NLRP11: variants seen among roughly 807,000 people sequenced by gnomAD.
NLRP11 encodes NLR family pyrin domain containing 11, also known as NACHT, LRR and PYD domains-containing protein 11.
In NLRP11, 53 loss-of-function variants were observed where a neutral mutation model predicts 79.3. The ratio of observed to expected loss-of-function variants is 0.67; its 90% CI spans 0.54 to 0.84. The LOEUF (loss-of-function observed/expected upper bound fraction) is 0.84, where lower values mean the gene tolerates loss of function less well. Ranked by LOEUF, NLRP11 falls within the 40% of genes least tolerant of loss-of-function variation. NLRP11 has a pLI of 0.00. For missense variants in NLRP11, 1,264 were observed against 1,255.0 expected (o/e 1.01, Z -0.11); for synonymous variants, 518 against 462.6 (o/e 1.12, Z -1.54).
upstream of NLRP11, among the ~76,000 whole-genome samples, chr19:55,833,765 CAAAAAAAAAAAAAAA>C (rs71182919): frequency 4.3e-5 from 1 of 23,486 alleles, no homozygotes; most frequent in African/African-American, 1.4e-4. Flanking sequence ...GACTCCGTCT[CAAAAAAAAAAAAAAA>C]AAAAAAAAAA....
At position 55,819,028 on chromosome 19, in the gene NLRP11, G is replaced by A. The variant is rs949729298; in HGVS notation, c.-62-792C>T. On this transcript the variant is annotated intron_variant, in intron 1 of 9. Coordinates refer to ENST00000589093, the Ensembl canonical transcript of NLRP11. ...TGCTCCCAACATCTGCCAGCAATAG[G>A]TAAGTCCCCAGGGTCAAGATGACTG... 4.0e-5 allele frequency among the ~76,000 whole-genome samples: 6 copies of A among 151,738 alleles called. No individual in the cohort carries two copies. The East Asian group carries it at 1.2e-3, about 29-fold the overall frequency.
chr19:55,800,327 T>A (rs551446232), intron 5 of NLRP11, among the ~76,000 whole-genome samples: 1 of 152,282 alleles, frequency 6.6e-6, no homozygotes, highest in Non-Finnish European at 1.5e-5. Context: ...TTTATTGAGA[T>A]GGAGTTTTGC....
upstream of NLRP11, among the ~76,000 whole-genome samples, chr19:55,832,553 C>A (rs1315800608): frequency 1.3e-5 from 2 of 152,232 alleles, no homozygotes; most frequent in African/African-American, 4.8e-5. Context: ...AGACTGATAG[C>A]TCAGTCCTAT....
At chr19:55,815,510 T>C (rs1262611957) in intron 2 of NLRP11, among the ~76,000 whole-genome samples, 2 of 120,196 alleles carry the variant, frequency 1.7e-5, no homozygotes, top group Admixed American at 9.5e-5. Flanking sequence ...GCCTGGACAA[T>C]GGAACAAGAC....
intron 1 of NLRP11, among the ~76,000 whole-genome samples, chr19:55,823,950 A>G (rs1982064909): frequency 1.5e-5 from 2 of 135,152 alleles, no homozygotes; most frequent in Non-Finnish European, 3.1e-5. Context: ...CAACTCCAAG[A>G]CACATAATTG....
At chr19:55,788,386 A>C (rs1459663786) in intron 9 of NLRP11, among the ~76,000 whole-genome samples, 1 of 144,796 alleles carries the variant, frequency 6.9e-6, no homozygotes, top group Non-Finnish European at 1.5e-5. Context: ...TTTGTATTGG[A>C]AACTGGCAAG....
chr19:55,796,230 C>T lies in NLRP11; in HGVS notation c.2192G>A (p.Arg731Gln), dbSNP rs764878378. Residue 731 changes from arginine (R) to glutamine (Q), a missense_variant, in exon 6 of 10, where the codon CGA (arginine) becomes CAA (glutamine). By Grantham distance (43) the Arg-to-Gln change is conservative. Coordinates refer to ENST00000589093, the Ensembl canonical transcript of NLRP11. ...GGCGATTTCTTCACATTCGCTGGCT[C>T]GCAAATCACATTTCATCAAGCTGTA... The T allele has an allele frequency of 2.3e-5, 37 of 1,612,778 alleles. No individual in the cohort carries two copies. The highest frequency in any genetic ancestry group is 1.7e-4 in the Middle Eastern group (1 of 6,058).
chr19:55,796,278 A>T, intron 5 of NLRP11, 28 bp from the exon 6 acceptor site: 1 of 1,586,452 alleles, frequency 6.3e-7, no homozygotes, highest in Non-Finnish European at 8.6e-7. Context: ...AAATGAAAAG[A>T]GGCTCCCGCG....
intron 1 of NLRP11, among the ~76,000 whole-genome samples, chr19:55,819,397 C>T (rs750843870): frequency 1.3e-5 from 2 of 152,152 alleles, no homozygotes; most frequent in Non-Finnish European, 2.9e-5. Context: ...TTCTAAACCC[C>T]GTGAGCCTCC....
chr19:55,808,749 T>G lies in NLRP11; in HGVS notation c.1841+20A>C. ...GGTCTTAGGAAGACAGGAAAGAGGA[T>G]TTATTTTTTAAAGACTCACCTAGCA... On this transcript the variant is annotated intron_variant, in intron 3 of 9. Coordinates refer to ENST00000589093, the Ensembl canonical transcript of NLRP11. The G allele has an allele frequency of 6.3e-7, 1 of 1,579,358 alleles. No individual in the cohort carries two copies. Among genetic ancestry groups the G allele is most frequent in the South Asian group, 1.2e-5 (1 of 84,696 alleles).
chr19:55,785,898 G>T, intron 9 of NLRP11, 27 bp from the exon 10 acceptor site: 1 of 1,602,986 alleles, frequency 6.2e-7, no homozygotes, highest in South Asian at 1.1e-5. Context: ...AGAGAACGCC[G>T]TTAATGCTAC....
chr19:55,788,609 G>C (rs1990033081), intron 9 of NLRP11, among the ~76,000 whole-genome samples, 198 bp downstream of exon 9: 1 of 151,284 alleles, frequency 6.6e-6, no homozygotes, highest in Admixed American at 6.6e-5. Flanking sequence ...GTGTGGTGGT[G>C]GGTGCCTGTA....
At chr19:55,789,309 C>G in exon 8 of NLRP11, 3 of 1,614,152 alleles carry the variant, frequency 1.9e-6, no homozygotes, top group South Asian at 1.1e-5. Context: ...TTTTGTTGCT[C>G]CCAATCTCCA....
chr19:55,816,742 G>C (rs984464559), intron 2 of NLRP11, among the ~76,000 whole-genome samples: 1 of 152,190 alleles, frequency 6.6e-6, no homozygotes, highest in South Asian at 2.1e-4. Context: ...CTAGGACAGA[G>C]CTCTCTGCTG....
At chr19:55,817,847 C>A (rs180997709) in intron 2 of NLRP11, 57 bp downstream of exon 2, 32 of 1,409,340 alleles carry the variant, frequency 2.3e-5, no homozygotes, top group Non-Finnish European at 3.0e-5. Flanking sequence ...AGGCCCAACA[C>A]CCAGCTTCCT....
chr19:55,829,539 C>T (rs564648785), intron 1 of NLRP11, among the ~76,000 whole-genome samples: 45 of 151,814 alleles, frequency 3.0e-4, no homozygotes, highest in South Asian at 2.5e-3. Context: ...TGGTGGCACG[C>T]GCCTGTAGTC....
chr19:55,798,337 C>T lies in NLRP11; in HGVS notation c.2172-2087G>A, dbSNP rs1029693546. On this transcript the variant is annotated intron_variant, in intron 5 of 9. Transcript: ENST00000589093. ...GAATGAAAGTGAAAGCCGTTGAGGG[C>T]CTGAAGATTAAAAGGACAGAGTCAC... 2.9e-5 allele frequency: 29 copies of T among 984,972 alleles called. No homozygotes were observed. The African/African-American group carries it at 4.4e-4, about 15-fold the overall frequency. 61.0% of individuals were successfully genotyped at this position (984,972 alleles called of 1,614,324 possible).
chr19:55,798,873 G>C (rs766237940), intron 5 of NLRP11, among the ~76,000 whole-genome samples: 1 of 152,180 alleles, frequency 6.6e-6, no homozygotes, highest in Admixed American at 6.5e-5. Flanking sequence ...AAGTACTGCA[G>C]ATAGGTGGGA....
intron 3 of NLRP11, among the ~76,000 whole-genome samples, chr19:55,808,311 G>T (rs1980207887): frequency 6.6e-6 from 1 of 152,124 alleles, no homozygotes; most frequent in Non-Finnish European, 1.5e-5. Flanking sequence ...GTGCTATCAT[G>T]AATACTCCTA....
Sources: allele counts gnomAD v4.1 joint callset (sites outside exome capture counted in the v4.1 genomes callset), GRCh38; gene constraint gnomAD v4.1.1; transcripts MANE v1.5; gene names NCBI Gene and HGNC (gene_info 2026-07-23, HGNC 2026-07-21).